Variants in JPH3 observed in about 807,000 individuals in gnomAD.
The protein encoded by JPH3 is junctophilin-3.
Under a neutral mutation model 59.6 loss-of-function variants are expected in JPH3, and 11 were observed. The observed-to-expected ratio is 0.18, with a 90% CI of 0.12 to 0.31. JPH3 has a LOEUF of 0.31. Among genes scored for constraint, JPH3 ranks in the 10% least tolerant of loss-of-function variants. The pLI is 1.00. For synonymous variants in JPH3, 673 were observed against 483.6 expected, an observed-to-expected ratio of 1.39 and a Z score of -5.14; for missense variants, 1,202 against 1,105.7, an observed-to-expected ratio of 1.09 and a Z score of -1.24.
At chr16:87,631,255 T>G (rs2031557169) in intron 1 of JPH3, among the ~76,000 whole-genome samples, 1 of 152,250 alleles carries the variant, frequency 6.6e-6, no homozygotes, top group Non-Finnish European at 1.5e-5. Context: ...TCTTTCATGG[T>G]TTCCTCCCTC....
At chr16:87,602,419 C>T (rs1340844677), upstream of JPH3, among the ~76,000 whole-genome samples, 1 of 4,336 alleles carries the variant, frequency 2.3e-4, no homozygotes, top group African/African-American at 6.2e-4. Context: ...GCTCCGGGGG[C>T]GGGGGCGGGG....
chr16:87,696,099 T>A, intron 4 of JPH3: 1 of 457,438 alleles, frequency 2.2e-6, no homozygotes, highest in Non-Finnish European at 4.4e-6. Flanking sequence ...CTCACGGACT[T>A]TGGGAGTCCT....
intron 1 of JPH3, among the ~76,000 whole-genome samples, chr16:87,640,634 C>T (rs2031917125): frequency 6.6e-6 from 1 of 152,136 alleles, no homozygotes; most frequent in Non-Finnish European, 1.5e-5. Flanking sequence ...TTCAGGTGAT[C>T]TGCTCGCCTC....
intron 1 of JPH3, among the ~76,000 whole-genome samples, chr16:87,620,404 A>G (rs1309333545): frequency 1.1e-4 from 13 of 120,504 alleles, no homozygotes; most frequent in African/African-American, 3.7e-4. Context: ...TTGAGCCTGG[A>G]TGGGGGTGTG....
At chr16:87,634,606 CCCAGG>C (rs1189761355) in intron 1 of JPH3, among the ~76,000 whole-genome samples, 1 of 152,260 alleles carries the variant, frequency 6.6e-6, no homozygotes, top group Non-Finnish European at 1.5e-5. Context: ...CTGCCCCAGG[CCCAGG>C]CTGGTGGATC....
At chr16:87,695,149 G>A (rs919393138) in intron 4 of JPH3, 7 of 362,848 alleles carry the variant, frequency 1.9e-5, no homozygotes, top group South Asian at 1.2e-4. Context: ...CAGCTGCTTC[G>A]TTGTGGGTGG....
At position 87,618,389 on chromosome 16, in the gene JPH3, G is replaced by A. The variant is rs562171596; in HGVS notation, c.382+14861G>A. 9.9e-5 allele frequency among the ~76,000 whole-genome samples: 15 copies of A among 152,250 alleles called. No individual in the cohort carries two copies. In the South Asian group the frequency reaches 2.1e-3, roughly 21 times the overall value. Reference sequence around the variant, plus strand: ...GGAAAAGGAGCAAAGGCAGGATGAGGACACAACACTGGCCTGTGCCTGGCC... The same window carrying A: ...GGAAAAGGAGCAAAGGCAGGATGAGAACACAACACTGGCCTGTGCCTGGCC... On this transcript the variant is annotated intron_variant, in intron 1 of 4. Coordinates refer to ENST00000284262, the MANE Select transcript of JPH3 (RefSeq NM_020655.4).
rs1354448370 is a variant in JPH3 at position 87,659,374 on chromosome 16, C to CAAAAA, written c.1160+14347_1160+14351dup. On this transcript the variant is annotated intron_variant, in intron 2 of 4. Coordinates refer to ENST00000284262, the MANE Select transcript of JPH3 (RefSeq NM_020655.4). ...CCTGGGTGACAGAGTAAGACTGTCT[C>CAAAAA]AAAAAAAAAAAAGAAAAAAAAAAAG... Among the ~76,000 whole-genome samples the CAAAAA allele has an allele frequency of 9.7e-4, 72 of 74,512 alleles. 8 individuals are homozygous for CAAAAA. Among genetic ancestry groups the CAAAAA allele is most frequent in the African/African-American group, 3.8e-3 (62 of 16,126 alleles). 48.9% of individuals were successfully genotyped at this position (74,512 alleles called of 152,430 possible).
chr16:87,658,227 C>T (rs190702436), intron 2 of JPH3, among the ~76,000 whole-genome samples: 9 of 152,276 alleles, frequency 5.9e-5, no homozygotes, highest in African/African-American at 2.2e-4. Context: ...GGTCGCAGGG[C>T]TACCAAACAG....
intron 1 of JPH3, among the ~76,000 whole-genome samples, chr16:87,643,830 C>A (rs1002748664): frequency 6.7e-6 from 1 of 150,220 alleles, no homozygotes; most frequent in East Asian, 2.0e-4. Context: ...TCCACGCAAA[C>A]CTCACCAGGT....
chr16:87,665,998 G>A (rs768644072), intron 2 of JPH3, among the ~76,000 whole-genome samples: 1 of 152,184 alleles, frequency 6.6e-6, no homozygotes, highest in Non-Finnish European at 1.5e-5. Flanking sequence ...GTGTGCAGAG[G>A]CCCGCTCGAT....
At chr16:87,609,876 C>T (rs2030668443) in intron 1 of JPH3, among the ~76,000 whole-genome samples, 1 of 152,180 alleles carries the variant, frequency 6.6e-6, no homozygotes, top group Non-Finnish European at 1.5e-5. Flanking sequence ...GATTCAGGCG[C>T]ATTCTATTTA....
chr16:87,621,521 G>T (rs887048275), intron 1 of JPH3, among the ~76,000 whole-genome samples: 1 of 152,172 alleles, frequency 6.6e-6, no homozygotes, highest in Non-Finnish European at 1.5e-5. Flanking sequence ...AACCCCCCAG[G>T]CCCCAGGGCT....
intron 3 of JPH3, among the ~76,000 whole-genome samples, chr16:87,685,198 C>T (rs968852055): frequency 6.6e-6 from 1 of 152,210 alleles, no homozygotes; most frequent in East Asian, 1.9e-4. Flanking sequence ...TAGAGGTGAC[C>T]GTCCGCCACC....
chr16:87,679,331 A>G (rs954574365), intron 2 of JPH3, among the ~76,000 whole-genome samples: 1 of 152,190 alleles, frequency 6.6e-6, no homozygotes, highest in Non-Finnish European at 1.5e-5. Context: ...TGGATCTGGA[A>G]TGTTCTCTGG....
chr16:87,695,820 G>C (rs759512067), intron 4 of JPH3: 11 of 455,944 alleles, frequency 2.4e-5, no homozygotes, highest in African/African-American at 2.2e-4. Flanking sequence ...GTTGTGAGAC[G>C]TGTCCTACCT....
At chr16:87,668,074 C>G (rs2032919813) in intron 2 of JPH3, among the ~76,000 whole-genome samples, 1 of 152,220 alleles carries the variant, frequency 6.6e-6, no homozygotes, top group Admixed American at 6.5e-5. Flanking sequence ...CATCCTCTGA[C>G]TACCGTGATG....
intron 2 of JPH3, among the ~76,000 whole-genome samples, chr16:87,647,690 A>G (rs2032197699): frequency 6.6e-6 from 1 of 152,066 alleles, no homozygotes; most frequent in Non-Finnish European, 1.5e-5. Context: ...TGCTGTCCAC[A>G]CACACGGCTC....
At chr16:87,635,055 G>A (rs1880491771) in intron 1 of JPH3, among the ~76,000 whole-genome samples, 1 of 152,254 alleles carries the variant, frequency 6.6e-6, no homozygotes. Context: ...CTCTGGGACA[G>A]TAGTGGGAGC....
Sources: allele counts gnomAD v4.1 joint callset (sites outside exome capture counted in the v4.1 genomes callset), GRCh38; gene constraint gnomAD v4.1.1; transcripts MANE v1.5; gene names NCBI Gene and HGNC (gene_info 2026-07-23, HGNC 2026-07-21).